Variants in ALLC observed in about 807,000 individuals in gnomAD.
ALLC encodes allantoicase.
Under a neutral mutation model 45.0 loss-of-function variants are expected in ALLC, and 40 were observed. The observed-to-expected ratio is 0.89, with a 90% CI of 0.69 to 1.16. The LOEUF (loss-of-function observed/expected upper bound fraction) is 1.16. ALLC is among the 50% of genes most tolerant of loss of function. The pLI, the probability that ALLC is intolerant of heterozygous loss-of-function variation, is 0.00. For missense variants in ALLC, 488 were observed against 493.1 expected, an observed-to-expected ratio of 0.99 and a Z score of 0.10; for synonymous variants, 176 against 178.1, an observed-to-expected ratio of 0.99 and a Z score of 0.09.
chr2:3,660,141 G>T (rs1007473161), intron 1 of ALLC, among the ~76,000 whole-genome samples: 2 of 152,184 alleles, frequency 1.3e-5, no homozygotes, highest in African/African-American at 2.4e-5. Flanking sequence ...GCTTGGTGCC[G>T]TTCTGGAGGT....
At chr2:3,694,634 C>T (rs1287151098) in intron 7 of ALLC, 1 of 152,212 alleles carries the variant, frequency 6.6e-6, no homozygotes, top group African/African-American at 2.4e-5. Context: ...ATATTACTCT[C>T]ATAACCCGGC....
At chr2:3,695,947 G>A (rs1323258227) in intron 8 of ALLC, 75 bp downstream of exon 8, 23 of 1,443,928 alleles carry the variant, frequency 1.6e-5, no homozygotes, top group Non-Finnish European at 2.0e-5. Context: ...TATGGTCAGA[G>A]TGATTTAAAA....
intron 7 of ALLC, among the ~76,000 whole-genome samples, chr2:3,693,229 T>G (rs1357755349): frequency 6.6e-6 from 1 of 152,144 alleles, no homozygotes; most frequent in Non-Finnish European, 1.5e-5. Flanking sequence ...TTTTACCAGC[T>G]CCACTGAGGA....
At chr2:3,684,965 G>A (rs1667287733) in intron 7 of ALLC, among the ~76,000 whole-genome samples, 1 of 152,066 alleles carries the variant, frequency 6.6e-6, no homozygotes, top group African/African-American at 2.4e-5. Flanking sequence ...CTGTTAATGG[G>A]CACTTACTTT....
chr2:3,701,422 T>A (rs1302073367), intron 10 of ALLC, 90 bp from the exon 11 acceptor site: 2 of 1,414,778 alleles, frequency 1.4e-6, no homozygotes, highest in Admixed American at 2.5e-5. Flanking sequence ...TTTTGCTGGG[T>A]TTTTGATCTT....
Position 3,672,435 on chromosome 2 carries a change from G to C in ALLC, c.33+1245G>C, listed in dbSNP as rs1175478229. On this transcript the variant is annotated intron_variant, in intron 2 of 11. Coordinates refer to ENST00000252505, the MANE Select transcript of ALLC (RefSeq NM_018436.4). ...TGTGGTCCTCTGGCTCTGGTTAGAT[G>C]GGAGGTCCTCTGGCTCTGGTTAGAT... Among the ~76,000 whole-genome samples the C allele has an allele frequency of 8.2e-5, 10 of 121,608 alleles. 1 individual carries two copies. The highest frequency in any genetic ancestry group is 3.0e-4 in the African/African-American group (9 of 30,384). 79.8% of individuals were successfully genotyped at this position (121,608 alleles called of 152,430 possible).
chr2:3,701,013 C>G (rs1017888813), intron 10 of ALLC, among the ~76,000 whole-genome samples: 1 of 152,196 alleles, frequency 6.6e-6, no homozygotes, highest in Non-Finnish European at 1.5e-5. Context: ...ATACTCTCAC[C>G]TGAAGATGAC....
chr2:3,658,694 C>T (rs6747221), intron 1 of ALLC, among the ~76,000 whole-genome samples: 4,537 of 151,810 alleles, frequency 0.03, 236 homozygotes, highest in African/African-American at 0.1. Flanking sequence ...ATGGCAAGAC[C>T]CCATTTCTAC....
In ALLC at chr2:3,702,516, G is replaced by A; in HGVS notation, c.1129G>A (p.Glu377Lys). Residue 377 changes from glutamate (E) to lysine (K), a missense_variant, in exon 12 of 12, where the codon GAG becomes AAG. By Grantham distance (56) the Glu-to-Lys change is moderately conservative (BLOSUM62 1). Coordinates refer to ENST00000252505, the MANE Select transcript of ALLC (RefSeq NM_018436.4). ...CTCCATCTGCCTCCTGAGGCCCCGG[G>A]AGAAGCCCATGTTGAAGTTCTCGGT... ...PSSICLLRPREKPMLKFSVSF... is the reference protein window; with the variant it reads ...PSSICLLRPRKKPMLKFSVSF... 6.2e-7 allele frequency: 1 copy of A among 1,608,792 alleles called. No individual in the cohort carries two copies.
At chr2:3,668,301 A>G (rs996220108) in intron 1 of ALLC, among the ~76,000 whole-genome samples, 1 of 152,130 alleles carries the variant, frequency 6.6e-6, no homozygotes, top group Admixed American at 6.5e-5. Context: ...CACCTTTGCC[A>G]AGTTGCAGAG....
intron 7 of ALLC, among the ~76,000 whole-genome samples, chr2:3,692,918 C>A (rs962089578): frequency 6.6e-6 from 1 of 152,148 alleles, no homozygotes; most frequent in African/African-American, 2.4e-5. Context: ...CGCCTCTCAA[C>A]CACACTCACC....
intron 8 of ALLC, 42 bp from the exon 9 acceptor site, chr2:3,696,232 TA>T (rs1390168236): frequency 1.3e-6 from 2 of 1,518,594 alleles, no homozygotes; most frequent in Non-Finnish European, 1.8e-6. Flanking sequence ...TCCTCATAGT[TA>T]AAATCATGCA....
At position 3,697,123 on chromosome 2, in the gene ALLC, C is replaced by A. The variant is rs143789811; in HGVS notation, c.742-225C>A. On this transcript the variant is annotated intron_variant, in intron 9 of 11. Transcript: ENST00000252505. Reference sequence around the variant, plus strand: ...TAATTGACATAGAAATTTAGAAAAACGTATCTGGGACCCAATGAACTCACA... The same window carrying A: ...TAATTGACATAGAAATTTAGAAAAAAGTATCTGGGACCCAATGAACTCACA... Among the ~76,000 whole-genome samples, 240 of 152,248 alleles carry A rather than the reference C, an allele frequency of 1.6e-3. 1 individual carries two copies. Among genetic ancestry groups the A allele is most frequent in the African/African-American group, 5.4e-3 (223 of 41,542 alleles).
intron 6 of ALLC, 26 bp downstream of exon 6, chr2:3,681,739 T>C: frequency 6.4e-7 from 1 of 1,561,606 alleles, no homozygotes; most frequent in Non-Finnish European, 8.8e-7. Context: ...ATGAATTGGG[T>C]CTTGTCACCA....
chr2:3,667,418 C>T (rs1295611101), intron 1 of ALLC, among the ~76,000 whole-genome samples: 1 of 152,162 alleles, frequency 6.6e-6, no homozygotes, highest in Non-Finnish European at 1.5e-5. Context: ...TTTGTTTAAC[C>T]AACACTCCCG....
intron 1 of ALLC, among the ~76,000 whole-genome samples, chr2:3,670,871 G>GGGCCGGGCGCGGTGGCGGGCGCCTGT (rs1443114162): frequency 6.8e-6 from 1 of 146,180 alleles, no homozygotes; most frequent in Admixed American, 6.7e-5. Flanking sequence ...ACTTTAGAAG[G>GGGCCGGGCGCGGTGGCGGGCGCCTGT]AAGCCATGTT....
chr2:3,654,801 CACAG>C (rs1666406142), upstream of ALLC, among the ~76,000 whole-genome samples: 1 of 152,224 alleles, frequency 6.6e-6, no homozygotes, highest in Non-Finnish European at 1.5e-5. Flanking sequence ...GGGGTCGTGT[CACAG>C]ACAGGGCATT....
At chr2:3,700,456 T>C (rs976631082) in intron 10 of ALLC, among the ~76,000 whole-genome samples, 8 of 152,192 alleles carry the variant, frequency 5.3e-5, no homozygotes, top group Non-Finnish European at 1.2e-4. Flanking sequence ...CTTACTTATT[T>C]TTGTGAGGGA....
chr2:3,669,819 G>C (rs1666819679), intron 1 of ALLC, among the ~76,000 whole-genome samples: 1 of 152,200 alleles, frequency 6.6e-6, no homozygotes, highest in Non-Finnish European at 1.5e-5. Flanking sequence ...GCTGCGATGG[G>C]GCAGGCTGAG....
Sources: gnomAD v4.1 joint callset for allele counts (sites outside exome capture counted in the v4.1 genomes callset) on GRCh38, gnomAD v4.1.1 for gene constraint, MANE v1.5 for transcripts, NCBI Gene and HGNC (gene_info 2026-07-23, HGNC 2026-07-21) for gene names.